Variants in KCNK18 observed in about 807,000 individuals in gnomAD.
KCNK18 encodes potassium two pore domain channel subfamily K member 18, also known as potassium channel subfamily K member 18.
In KCNK18, 8 loss-of-function variants were observed where a neutral mutation model predicts 11.8. That is an observed-to-expected ratio of 0.68 (90% confidence interval 0.40 to 1.22). KCNK18 has a LOEUF of 1.22. Among genes scored for constraint, KCNK18 ranks in the 50% most tolerant of loss-of-function variants. The probability of loss-of-function intolerance (pLI) is 0.01; values close to 1 mark genes in which losing one functional copy is unlikely to be tolerated. For missense variants in KCNK18, 442 were observed against 465.4 expected, an observed-to-expected ratio of 0.95 and a Z score of 0.46; for synonymous variants, 208 against 185.8, an observed-to-expected ratio of 1.12 and a Z score of -0.97.
intron 2 of KCNK18, among the ~76,000 whole-genome samples, chr10:117,205,398 T>G (rs997624813): frequency 2.2e-4 from 34 of 152,244 alleles, no homozygotes; most frequent in African/African-American, 6.5e-4. Context: ...TTTTCAGGAA[T>G]GTGACATATT....
chr10:117,197,848 G>C (rs945645731), intron 1 of KCNK18, 137 bp downstream of exon 1: 9 of 727,028 alleles, frequency 1.2e-5, no homozygotes, highest in African/African-American at 1.2e-4. Flanking sequence ...CACTTTAAGC[G>C]AGTAACTTCT....
At position 117,209,758 on chromosome 10, in the gene KCNK18, G is replaced by A; in HGVS notation, c.614G>A (p.Ser205Asn). Reference protein sequence around the residue: ...ADEAVPQIIISAEELPGPKLG... With the variant: ...ADEAVPQIIINAEELPGPKLG... ...GAAGCTGTCCCTCAGATCATCATCA[G>A]TGCTGAAGAGCTTCCAGGCCCCAAA... Residue 205 changes from serine to asparagine, a missense_variant, in exon 3 of 3, where the codon AGT becomes AAT. Physicochemically the swap from Ser to Asn is conservative, Grantham distance 46 (BLOSUM62 1). Transcript: ENST00000334549. 1 of 1,614,110 alleles carries A rather than the reference G, an allele frequency of 6.2e-7. No homozygotes were observed. The highest frequency in any genetic ancestry group is 8.5e-7 in the Non-Finnish European group (1 of 1,180,042).
Position 117,209,571 on chromosome 10 carries a change from C to T in KCNK18, c.427C>T (p.Leu143=), listed in dbSNP as rs1193133562. 4.3e-6 allele frequency: 7 copies of T among 1,613,984 alleles called. No homozygotes were observed. Among genetic ancestry groups the T allele is most frequent in the Admixed American group, 1.7e-5 (1 of 60,004 alleles). Residue 143 remains leucine, a synonymous_variant, in exon 3 of 3, where the codon CTG becomes TTG. Coordinates refer to ENST00000334549, the MANE Select transcript of KCNK18 (RefSeq NM_181840.1). ...GCTCTATGCTCTCTTTGGTATCCCC[C>T]TGATGTTCCTCGTTCTCACGGACAC... is the stretch of plus-strand genomic sequence containing the variant. ...CMLYALFGIP[L]MFLVLTDTGD...
intron 2 of KCNK18, among the ~76,000 whole-genome samples, chr10:117,202,553 T>C (rs363310): frequency 0.19 from 29,240 of 151,998 alleles, 3,625 homozygotes; most frequent in East Asian, 0.34. Flanking sequence ...AGGTCCACAG[T>C]CCATTCAAGC....
chr10:117,208,761 A>C (rs1390885108), intron 2 of KCNK18, among the ~76,000 whole-genome samples: 2 of 142,056 alleles, frequency 1.4e-5, no homozygotes, highest in African/African-American at 5.1e-5. Context: ...TTTTTTTGAG[A>C]TGGAGTCTCA....
chr10:117,209,426 CT>C, intron 2 of KCNK18, 70 bp from the exon 3 acceptor site: 1 of 1,248,480 alleles, frequency 8.0e-7, no homozygotes, highest in Admixed American at 1.7e-5. Context: ...GGCAGAAGGT[CT>C]CTTTAAAGCT....
At chr10:117,201,640 C>T (rs1855015526) in intron 2 of KCNK18, among the ~76,000 whole-genome samples, 1 of 152,228 alleles carries the variant, frequency 6.6e-6, no homozygotes, top group African/African-American at 2.4e-5. Flanking sequence ...ACCCAGCACC[C>T]TGCTGCCTCT....
Position 117,209,899 on chromosome 10 carries a change from C to T in KCNK18, c.755C>T (p.Ser252Leu), listed in dbSNP as rs149796761. Residue 252 changes from serine (S) to leucine (L), a missense_variant, in exon 3 of 3, where the codon TCG becomes TTG. Ser to Leu is a moderately radical substitution (Grantham distance 145, BLOSUM62 -2). Coordinates refer to ENST00000334549, the MANE Select transcript of KCNK18 (RefSeq NM_181840.1). ...LPPQAMERSN[S>L]CPELVLGRLS... ...CCACAAGCCATGGAGAGGAGTAACT[C>T]GTGTCCCGAACTGGTGTTGGGAAGA... 1.2e-4 allele frequency: 193 copies of T among 1,614,192 alleles called. 1 individual carries two copies. Among genetic ancestry groups the T allele is most frequent in the East Asian group, 1.2e-3 (52 of 44,878 alleles).
chr10:117,200,751 G>A (rs1474574822), intron 1 of KCNK18, among the ~76,000 whole-genome samples: 1 of 151,736 alleles, frequency 6.6e-6, no homozygotes, highest in Non-Finnish European at 1.5e-5. Flanking sequence ...GGTGGAGGTT[G>A]CAGCGAGCCG....
At chr10:117,206,706 C>T (rs1855080999) in intron 2 of KCNK18, among the ~76,000 whole-genome samples, 1 of 152,152 alleles carries the variant, frequency 6.6e-6, no homozygotes, top group Admixed American at 6.6e-5. Flanking sequence ...GACAGCTACA[C>T]TCAGGGTGAC....
intron 2 of KCNK18, 126 bp downstream of exon 2, chr10:117,201,413 C>T: frequency 1.0e-6 from 1 of 1,000,212 alleles, no homozygotes; most frequent in South Asian, 1.3e-5. Context: ...CTCCCTTCCT[C>T]AAATCTATAT....
At chr10:117,202,946 G>A (rs981553543) in intron 2 of KCNK18, among the ~76,000 whole-genome samples, 3 of 122,544 alleles carry the variant, frequency 2.4e-5, no homozygotes, top group African/African-American at 9.4e-5. Context: ...GCACAATCTT[G>A]GCTCACTGCA....
At chr10:117,202,180 C>T (rs1024272098) in intron 2 of KCNK18, among the ~76,000 whole-genome samples, 2 of 152,228 alleles carry the variant, frequency 1.3e-5, no homozygotes, top group Non-Finnish European at 2.9e-5. Context: ...TGGGGCCCCT[C>T]ATGCTGAAGG....
chr10:117,209,355 A>T, intron 2 of KCNK18, 142 bp from the exon 3 acceptor site: 1 of 796,550 alleles, frequency 1.3e-6, no homozygotes, highest in African/African-American at 1.7e-5. Context: ...CAGTGGCTGA[A>T]TGCTTTGAGA....
At chr10:117,200,075 A>G (rs60085909) in intron 1 of KCNK18, among the ~76,000 whole-genome samples, 10,165 of 152,136 alleles carry the variant, frequency 0.067, 554 homozygotes, top group Admixed American at 0.16. Flanking sequence ...AAACTCCATC[A>G]AGTTTTTATT....
chr10:117,203,019 G>T (rs191075023), intron 2 of KCNK18, among the ~76,000 whole-genome samples: 1 of 150,114 alleles, frequency 6.7e-6, no homozygotes, highest in African/African-American at 2.4e-5. Context: ...GGGATTACAG[G>T]CATGTACCAC....
intron 1 of KCNK18, among the ~76,000 whole-genome samples, chr10:117,200,634 C>T (rs111486939): frequency 0.067 from 10,152 of 152,002 alleles, 552 homozygotes; most frequent in Admixed American, 0.16. Context: ...GGTGAAACCC[C>T]GTCTCAACTA....
intron 2 of KCNK18, among the ~76,000 whole-genome samples, chr10:117,208,492 T>C (rs1192409800): frequency 6.6e-6 from 1 of 152,176 alleles, no homozygotes; most frequent in Non-Finnish European, 1.5e-5. Flanking sequence ...TTATCATAAA[T>C]AGCAGAGCTG....
chr10:117,202,908 T>TTTTTTTA (rs1855032368), intron 2 of KCNK18, among the ~76,000 whole-genome samples: 1 of 139,374 alleles, frequency 7.2e-6, no homozygotes, highest in African/African-American at 2.7e-5. Context: ...TTTTTTTTTT[T>TTTTTTTA]GAGATGGAGT....
Sources: gnomAD v4.1 joint callset for allele counts (sites outside exome capture counted in the v4.1 genomes callset) on GRCh38, gnomAD v4.1.1 for gene constraint, MANE v1.5 for transcripts, NCBI Gene and HGNC (gene_info 2026-07-23, HGNC 2026-07-21) for gene names.